Variants in CEP112 observed in about 807,000 individuals in gnomAD.
CEP112 encodes the protein centrosomal protein of 112 kDa.
CEP112 carries 127 observed loss-of-function variants against 153.0 expected under a neutral mutation model. That is an observed-to-expected ratio of 0.83 (90% CI 0.72 to 0.96). The LOEUF is 0.96. Among genes scored for constraint, CEP112 ranks in the 40% least tolerant of loss-of-function variants. The pLI is 0.00. For synonymous variants in CEP112, 358 were observed against 374.4 expected (o/e 0.96, Z 0.51); for missense variants, 1,089 against 1,101.2 (o/e 0.99, Z 0.16).
chr17:65,965,987 C>A (rs2062400933), intron 17 of CEP112, among the ~76,000 whole-genome samples: 1 of 152,046 alleles, frequency 6.6e-6, no homozygotes. Flanking sequence ...TCCTTTTTAC[C>A]ATGATCCCAA....
chr17:66,184,447 C>A (rs1378200287), intron 1 of CEP112, among the ~76,000 whole-genome samples: 2 of 152,088 alleles, frequency 1.3e-5, no homozygotes. Context: ...AAACAAACTA[C>A]CCCGATAATC....
chr17:65,645,415 T>A (rs1239885202), intron 24 of CEP112, among the ~76,000 whole-genome samples: 2 of 152,174 alleles, frequency 1.3e-5, no homozygotes, highest in Non-Finnish European at 2.9e-5. Context: ...TCATTTTGTA[T>A]AATAGCCTCT....
chr17:65,863,188 G>A (rs550090036), intron 20 of CEP112, among the ~76,000 whole-genome samples: 5 of 151,826 alleles, frequency 3.3e-5, no homozygotes, highest in African/African-American at 7.2e-5. Flanking sequence ...TTTAATTTAC[G>A]GTCTTTTAGT....
At chr17:65,768,051 C>A (rs1406710682) in intron 21 of CEP112, among the ~76,000 whole-genome samples, 1 of 152,060 alleles carries the variant, frequency 6.6e-6, no homozygotes, top group Non-Finnish European at 1.5e-5. Context: ...CTGACCACCC[C>A]CCAAATGCAG....
intron 12 of CEP112, among the ~76,000 whole-genome samples, chr17:66,033,225 T>C (rs983338276): frequency 6.6e-6 from 1 of 152,052 alleles, no homozygotes; most frequent in Admixed American, 6.6e-5. Context: ...ACAGAAATGG[T>C]AGAACAAGAA....
At chr17:65,979,740 G>GTA (rs2063162435) in intron 17 of CEP112, among the ~76,000 whole-genome samples, 1 of 151,920 alleles carries the variant, frequency 6.6e-6, no homozygotes, top group Admixed American at 6.6e-5. Flanking sequence ...TATATTCCCA[G>GTA]TAAATTTAGA....
intron 20 of CEP112, among the ~76,000 whole-genome samples, chr17:65,869,801 G>A (rs2058594956): frequency 6.6e-6 from 1 of 151,706 alleles, no homozygotes; most frequent in Non-Finnish European, 1.5e-5. Context: ...TAGCCAGGAT[G>A]GTCTCGATCT....
intron 2 of CEP112, 117 bp downstream of exon 2, chr17:66,183,077 A>G: frequency 5.8e-6 from 4 of 687,674 alleles, no homozygotes; most frequent in Non-Finnish European, 9.4e-6. Context: ...TGTCAATGGC[A>G]AAAATTGTTA....
At chr17:65,929,094 G>T (rs2061033083) in intron 18 of CEP112, among the ~76,000 whole-genome samples, 1 of 152,288 alleles carries the variant, frequency 6.6e-6, no homozygotes, top group South Asian at 2.1e-4. Flanking sequence ...TTCTTTGGGG[G>T]AAGATGAACA....
chr17:66,043,119 G>C (rs1180357068), intron 12 of CEP112: 1 of 971,464 alleles, frequency 1.0e-6, no homozygotes, highest in African/African-American at 1.8e-5. Flanking sequence ...AGAGGATCAT[G>C]GATGGAATTC....
chr17:65,666,449 T>C (rs1442399815), intron 24 of CEP112, among the ~76,000 whole-genome samples: 1 of 152,202 alleles, frequency 6.6e-6, no homozygotes, highest in Non-Finnish European at 1.5e-5. Context: ...CTAGGGTTCA[T>C]TGGTCCCTTG....
At chr17:65,917,704 T>A (rs2060544825) in intron 19 of CEP112, among the ~76,000 whole-genome samples, 1 of 151,966 alleles carries the variant, frequency 6.6e-6, no homozygotes, top group African/African-American at 2.4e-5. Flanking sequence ...CCTTCTTTTC[T>A]CACGAGGCAC....
At chr17:66,151,258 C>T (rs7216660) in intron 4 of CEP112, among the ~76,000 whole-genome samples, 8,848 of 152,202 alleles carry the variant, frequency 0.058, 271 homozygotes, top group East Asian at 0.072. Context: ...CTTTGCTCCT[C>T]GTTTTTCCTT....
chr17:65,937,576 C>G (rs1225513909), intron 18 of CEP112, among the ~76,000 whole-genome samples: 1 of 70,682 alleles, frequency 1.4e-5, no homozygotes, highest in African/African-American at 4.8e-5. Context: ...TGGGGGGGGT[C>G]AGCCCCCCAC....
intron 21 of CEP112, among the ~76,000 whole-genome samples, chr17:65,775,514 T>G (rs1480918789): frequency 1.3e-5 from 2 of 152,218 alleles, no homozygotes; most frequent in African/African-American, 2.4e-5. Context: ...AATTTTATTT[T>G]TTTTTGAGAT....
intron 4 of CEP112, among the ~76,000 whole-genome samples, chr17:66,164,611 A>G (rs983825214): frequency 2.7e-5 from 4 of 148,986 alleles, no homozygotes; most frequent in African/African-American, 5.0e-5. Context: ...TAATCCCAGC[A>G]CTTTGGGAGG....
chr17:65,847,080 C>G (rs2057754046), intron 21 of CEP112, among the ~76,000 whole-genome samples: 1 of 152,126 alleles, frequency 6.6e-6, no homozygotes, highest in Non-Finnish European at 1.5e-5. Context: ...TGAATTCCAC[C>G]AACTGGACAA....
intron 20 of CEP112, among the ~76,000 whole-genome samples, chr17:65,863,578 AC>A (rs1325059833): frequency 6.9e-6 from 1 of 145,788 alleles, no homozygotes; most frequent in Non-Finnish European, 1.5e-5. Flanking sequence ...CCACGGTGAA[AC>A]CCCGTCTCTA....
intron 20 of CEP112, among the ~76,000 whole-genome samples, chr17:65,859,439 CAAAAA>C (rs57675567): frequency 1.1e-5 from 1 of 93,676 alleles, no homozygotes; most frequent in Non-Finnish European, 2.2e-5. Context: ...GACTCCATCT[CAAAAA>C]AAAAAAAAAA....
Sources: allele counts gnomAD v4.1 joint callset (sites outside exome capture counted in the v4.1 genomes callset), GRCh38; gene constraint gnomAD v4.1.1; transcripts MANE v1.5; gene names NCBI Gene and HGNC (gene_info 2026-07-23, HGNC 2026-07-21).